Variants in ADAMTSL1 observed in about 807,000 individuals in gnomAD.
ADAMTSL1 encodes the protein ADAMTS like 1.
Under a neutral mutation model 201.8 loss-of-function variants are expected in ADAMTSL1, and 126 were observed. That is an observed-to-expected ratio of 0.62 (90% CI 0.54 to 0.72). ADAMTSL1 has a LOEUF of 0.72. ADAMTSL1 is among the 30% of genes least tolerant of loss of function. The pLI, the probability that ADAMTSL1 is intolerant of heterozygous loss-of-function variation, is 0.00. For synonymous variants in ADAMTSL1, 1,121 were observed against 903.4 expected (o/e 1.24, Z -4.32); for missense variants, 2,679 against 2,277.8 (o/e 1.18, Z -3.59).
intron 2 of ADAMTSL1, among the ~76,000 whole-genome samples, chr9:18,315,122 A>T (rs1834327749): frequency 6.6e-6 from 1 of 151,986 alleles, no homozygotes; most frequent in Admixed American, 6.5e-5. Flanking sequence ...CGTTTTACAG[A>T]GAGCTGATTG....
At chr9:18,525,157 G>C (rs1367893128) in intron 2 of ADAMTSL1, among the ~76,000 whole-genome samples, 5 of 152,076 alleles carry the variant, frequency 3.3e-5, no homozygotes, top group East Asian at 3.9e-4. Context: ...ACTTCTTCCT[G>C]GTTTAGTCTT....
At chr9:18,372,187 A>T (rs1837073299) in intron 2 of ADAMTSL1, among the ~76,000 whole-genome samples, 1 of 152,192 alleles carries the variant, frequency 6.6e-6, no homozygotes, top group African/African-American at 2.4e-5. Flanking sequence ...AACAAGAGGG[A>T]ATACATAACA....
intron 2 of ADAMTSL1, among the ~76,000 whole-genome samples, chr9:18,385,730 T>A (rs1379122432): frequency 1.3e-5 from 2 of 152,194 alleles, no homozygotes; most frequent in African/African-American, 4.8e-5. Flanking sequence ...AAAAAATTAA[T>A]TCTTAAATCC....
At position 18,328,501 on chromosome 9, in the gene ADAMTSL1, A is replaced by G. The variant is rs190342002; in HGVS notation, c.207+164520A>G. 5.9e-5 allele frequency among the ~76,000 whole-genome samples: 9 copies of G among 152,328 alleles called. No homozygotes were observed. The East Asian group carries it at 9.6e-4, about 16-fold the overall frequency. The stretch of plus-strand genomic sequence containing the variant: ...TTAGCCCTCCTAATAACGTCATAAC[A>G]TAAGTATCACCCCATGTTTAGAGAT... On this transcript the variant is annotated intron_variant, in intron 2 of 29. Coordinates refer to the ADAMTSL1 transcript ENST00000680146.
chr9:18,505,693 T>C (rs1823086336), intron 2 of ADAMTSL1, among the ~76,000 whole-genome samples: 1 of 152,254 alleles, frequency 6.6e-6, no homozygotes, highest in Non-Finnish European at 1.5e-5. Flanking sequence ...GTAATATTTT[T>C]AATGAAAGAT....
At chr9:18,847,758 G>T (rs1236796004) in intron 23 of ADAMTSL1, among the ~76,000 whole-genome samples, 1 of 152,216 alleles carries the variant, frequency 6.6e-6, no homozygotes, top group Non-Finnish European at 1.5e-5. Context: ...CAACAAAAAG[G>T]CCAGTGTGGC....
chr9:18,777,342 T>A lies in ADAMTSL1; in HGVS notation c.3113T>A (p.Leu1038Gln). The change falls in exon 19 of 29, where the codon CTG (leucine) becomes CAG (glutamine). Residue 1038 changes from leucine (L) to glutamine (Q), a missense_variant. Coordinates refer to ENST00000380548, the MANE Select transcript of ADAMTSL1 (RefSeq NM_001040272.6). ...LLEQGGWPGELLASWEAQDSA... is the reference protein window; with the variant it reads ...LLEQGGWPGEQLASWEAQDSA... ...GAGCAGGGCGGCTGGCCCGGAGAGC[T>A]GCTGGCCTCGTGGGAGGCGCAGGAC... is the stretch of plus-strand genomic sequence containing the variant. 3 of 1,601,952 alleles carry A rather than the reference T, an allele frequency of 1.9e-6. No individual in the cohort carries two copies. Among genetic ancestry groups the A allele is most frequent in the African/African-American group, 1.3e-5 (1 of 74,810 alleles).
chr9:18,600,967 G>A (rs1824611114), intron 4 of ADAMTSL1, among the ~76,000 whole-genome samples: 1 of 152,062 alleles, frequency 6.6e-6, no homozygotes, highest in South Asian at 2.1e-4. Context: ...TTCAAATCCA[G>A]AGTATTGTCA....
intron 15 of ADAMTSL1, among the ~76,000 whole-genome samples, chr9:18,734,839 A>G (rs1202339510): frequency 6.6e-6 from 1 of 152,208 alleles, no homozygotes; most frequent in East Asian, 1.9e-4. Context: ...AAGAAACCTC[A>G]GGGCAGTTTT....
chr9:17,946,052 ATGTGTATGTGTGTGTG>A (rs1387365754), intron 1 of ADAMTSL1, among the ~76,000 whole-genome samples: 1 of 107,492 alleles, frequency 9.3e-6, no homozygotes, highest in South Asian at 3.9e-4. Flanking sequence ...TAAGCTCATG[ATGTGTATGTGTGTGTG>A]TGTGTGTGTG....
chr9:18,238,399 C>T (rs368051686), intron 2 of ADAMTSL1, among the ~76,000 whole-genome samples: 9 of 152,154 alleles, frequency 5.9e-5, no homozygotes, highest in African/African-American at 9.6e-5. Flanking sequence ...GAATCACATC[C>T]CTTTGTGCAG....
intron 3 of ADAMTSL1, among the ~76,000 whole-genome samples, chr9:18,559,356 A>T (rs968496227): frequency 2.6e-5 from 4 of 152,076 alleles, no homozygotes; most frequent in Non-Finnish European, 4.4e-5. Flanking sequence ...GTTCAGTTCC[A>T]TTGGTCTATA....
At chr9:18,348,318 C>T (rs2133008801) in intron 2 of ADAMTSL1, among the ~76,000 whole-genome samples, 1 of 152,196 alleles carries the variant, frequency 6.6e-6, no homozygotes, top group Admixed American at 6.5e-5. Context: ...ACAGAATCAG[C>T]CACATTTGCA....
intron 1 of ADAMTSL1, among the ~76,000 whole-genome samples, chr9:18,068,776 A>G (rs1822824077): frequency 6.6e-6 from 1 of 152,252 alleles, no homozygotes; most frequent in African/African-American, 2.4e-5. Context: ...CTAAGGTTAT[A>G]AAAGCAAGTA....
intron 2 of ADAMTSL1, among the ~76,000 whole-genome samples, chr9:18,231,112 T>C (rs1356458207): frequency 6.6e-6 from 1 of 152,162 alleles, no homozygotes; most frequent in African/African-American, 2.4e-5. Flanking sequence ...TGTCTTTTAT[T>C]GCAACCCCCG....
intron 4 of ADAMTSL1, among the ~76,000 whole-genome samples, chr9:18,616,300 C>G (rs1170673403): frequency 6.6e-6 from 1 of 152,208 alleles, no homozygotes; most frequent in Admixed American, 6.5e-5. Flanking sequence ...GTTGGGATTA[C>G]AGGCATAAGC....
At chr9:18,136,693 G>A (rs1033282275) in intron 1 of ADAMTSL1, among the ~76,000 whole-genome samples, 4 of 152,046 alleles carry the variant, frequency 2.6e-5, no homozygotes, top group African/African-American at 9.7e-5. Context: ...AGAAAAGGCT[G>A]TGAGATCAAA....
At chr9:18,405,405 G>C (rs775655568) in intron 2 of ADAMTSL1, among the ~76,000 whole-genome samples, 1 of 152,190 alleles carries the variant, frequency 6.6e-6, no homozygotes, top group African/African-American at 2.4e-5. Flanking sequence ...ACACAGAAAG[G>C]TCAGGCAGCA....
At chr9:18,457,793 A>G (rs1820663121) in intron 2 of ADAMTSL1, among the ~76,000 whole-genome samples, 1 of 152,226 alleles carries the variant, frequency 6.6e-6, no homozygotes, top group African/African-American at 2.4e-5. Flanking sequence ...TCCCCTAAGG[A>G]TGCAAAAAGA....
Sources: allele counts gnomAD v4.1 joint callset (sites outside exome capture counted in the v4.1 genomes callset), GRCh38; gene constraint gnomAD v4.1.1; transcripts MANE v1.5; gene names NCBI Gene and HGNC (gene_info 2026-07-23, HGNC 2026-07-21).